The following GPHN variants were observed in gnomAD, a reference collection of about 807,000 sequenced individuals.
The protein encoded by GPHN is gephyrin.
GPHN carries 17 observed loss-of-function variants against 95.5 expected under a neutral mutation model. The observed-to-expected ratio is 0.18, with a 90% CI of 0.12 to 0.27. The LOEUF (loss-of-function observed/expected upper bound fraction) is 0.27. GPHN is among the 10% of genes least tolerant of loss of function. The pLI is 1.00. For missense variants in GPHN, 660 were observed against 978.1 expected (o/e 0.67, Z 4.34); for synonymous variants, 320 against 322.5 (o/e 0.99, Z 0.08).
chr14:67,396,314 A>AT, the GPHN span, among the ~76,000 whole-genome samples: 6 of 151,200 alleles, frequency 4.0e-5, no homozygotes, highest in Non-Finnish European at 8.8e-5. Flanking sequence ...CGCCTGGCTA[A>AT]TTTTTGTATT....
At chr14:67,517,713 A>G in the GPHN span, among the ~76,000 whole-genome samples, 2 of 152,214 alleles carry the variant, frequency 1.3e-5, no homozygotes. Flanking sequence ...AAATTTAGAT[A>G]GTAGTGCCTT....
the GPHN span, among the ~76,000 whole-genome samples, chr14:67,504,770 A>C: frequency 3.3e-5 from 5 of 152,102 alleles, no homozygotes; most frequent in African/African-American, 1.2e-4. Context: ...CCATAATCCC[A>C]GCTACTCGGG....
chr14:67,198,305 G>C, the GPHN span: 1 of 1,613,166 alleles, frequency 6.2e-7, no homozygotes. Flanking sequence ...CCATGTTAGA[G>C]AGCAATTTTA....
the GPHN span, chr14:67,650,091 C>CAAGTACA: frequency 6.6e-6 from 1 of 152,324 alleles, no homozygotes; most frequent in African/African-American, 2.4e-5. Flanking sequence ...TTCTCTTGAT[C>CAAGTACA]AAGTACAAGA....
At chr14:67,651,027 A>G in the GPHN span, 1 of 1,182,370 alleles carries the variant, frequency 8.5e-7, no homozygotes, top group African/African-American at 1.5e-5. Context: ...TGCCTTAATG[A>G]GAACATTTAC....
At chr14:67,106,108 A>G (rs763127081) in intron 13 of GPHN, among the ~76,000 whole-genome samples, 1 of 152,034 alleles carries the variant, frequency 6.6e-6, no homozygotes, top group Non-Finnish European at 1.5e-5. Flanking sequence ...AATTCTCTCC[A>G]TTTTTGCTTG....
chr14:67,188,171 G>GGC, the GPHN span, among the ~76,000 whole-genome samples: 1 of 152,190 alleles, frequency 6.6e-6, no homozygotes, highest in Non-Finnish European at 1.5e-5. Context: ...GAGGGACAAA[G>GGC]AGGGCTAATT....
At chr14:67,688,781 T>A in the GPHN span, among the ~76,000 whole-genome samples, 1 of 152,164 alleles carries the variant, frequency 6.6e-6, no homozygotes, top group South Asian at 2.1e-4. Context: ...ATTACTAGAC[T>A]GATTTTACAT....
At chr14:67,415,205 C>T in the GPHN span, among the ~76,000 whole-genome samples, 1 of 152,124 alleles carries the variant, frequency 6.6e-6, no homozygotes, top group African/African-American at 2.4e-5. Flanking sequence ...GACAGATGAT[C>T]AGTATGTTTA....
chr14:67,314,748 T>G, the GPHN span, among the ~76,000 whole-genome samples: 10 of 152,232 alleles, frequency 6.6e-5, no homozygotes, highest in Non-Finnish European at 1.5e-4. Context: ...AAGATCTGCC[T>G]TAGAGTTTGA....
At chr14:66,612,585 AATTTAC>A (rs1252187868) in intron 1 of GPHN, among the ~76,000 whole-genome samples, 2 of 152,062 alleles carry the variant, frequency 1.3e-5, no homozygotes, top group Non-Finnish European at 2.9e-5. Flanking sequence ...TTTAAGATAA[AATTTAC>A]ATAATTCAAA....
intron 18 of GPHN, among the ~76,000 whole-genome samples, chr14:67,153,317 C>T (rs2081390001): frequency 6.6e-6 from 1 of 152,142 alleles, no homozygotes; most frequent in East Asian, 1.9e-4. Flanking sequence ...GTGGCGTAAA[C>T]ATTTATTTCT....
intron 1 of GPHN, among the ~76,000 whole-genome samples, chr14:66,678,270 CA>C (rs1595512193): frequency 7.7e-6 from 1 of 129,402 alleles, no homozygotes; most frequent in African/African-American, 4.0e-5. Flanking sequence ...TAGGTTTATT[CA>C]TTCTTTTTTA....
the GPHN span, among the ~76,000 whole-genome samples, chr14:67,328,399 T>G: frequency 2.0e-5 from 3 of 152,248 alleles, no homozygotes; most frequent in African/African-American, 7.2e-5. Context: ...GTCAGATGGG[T>G]AGATGGTAAA....
the GPHN span, among the ~76,000 whole-genome samples, chr14:67,433,957 G>A: frequency 3.3e-5 from 5 of 152,246 alleles, no homozygotes; most frequent in Non-Finnish European, 2.9e-5. Context: ...CAGGATGGAC[G>A]GATCTAAATG....
intron 3 of GPHN, among the ~76,000 whole-genome samples, chr14:66,786,282 A>G (rs1438970452): frequency 2.0e-5 from 3 of 152,114 alleles, no homozygotes; most frequent in Non-Finnish European, 2.9e-5. Context: ...AAATTGTACA[A>G]TTTAGTAGAA....
intron 1 of GPHN, among the ~76,000 whole-genome samples, chr14:66,583,706 C>T (rs2061298215): frequency 2.0e-5 from 3 of 152,034 alleles, no homozygotes; most frequent in Non-Finnish European, 2.9e-5. Context: ...AGATATGCGG[C>T]ATTATTTCTG....
the GPHN span, among the ~76,000 whole-genome samples, chr14:67,563,435 G>C: frequency 1.3e-5 from 2 of 151,056 alleles, no homozygotes; most frequent in African/African-American, 4.9e-5. Context: ...TCTTTTTTTT[G>C]GGGGGTGGGG....
At chr14:67,575,361 C>G in the GPHN span, 2 of 1,374,876 alleles carry the variant, frequency 1.5e-6, no homozygotes, top group African/African-American at 2.8e-5. Flanking sequence ...TTACCTAGTT[C>G]TCATAATGCC....
Sources: allele counts gnomAD v4.1 joint callset (sites outside exome capture counted in the v4.1 genomes callset), GRCh38; gene constraint gnomAD v4.1.1; transcripts MANE v1.5; gene names NCBI Gene and HGNC (gene_info 2026-07-23, HGNC 2026-07-21).